The following INPP5D variants were observed in gnomAD, a reference collection of about 807,000 sequenced individuals.
INPP5D encodes phosphatidylinositol 3,4,5-trisphosphate 5-phosphatase 1.
Under a neutral mutation model 122.9 loss-of-function variants are expected in INPP5D, and 33 were observed. The ratio of observed to expected loss-of-function variants is 0.27; its 90% CI spans 0.20 to 0.36. The LOEUF (loss-of-function observed/expected upper bound fraction) is 0.36, where lower values mean the gene tolerates loss of function less well. INPP5D is among the 10% of genes least tolerant of loss of function. INPP5D has a pLI of 1.00. For synonymous variants in INPP5D, 584 were observed against 576.2 expected (o/e 1.01, Z -0.19); for missense variants, 1,053 against 1,412.7 (o/e 0.75, Z 4.08).
intron 4 of INPP5D, among the ~76,000 whole-genome samples, chr2:233,127,037 T>C (rs34386357): frequency 0.015 from 2,214 of 152,266 alleles, 24 homozygotes; most frequent in Non-Finnish European, 0.023. Context: ...GGAGGCCCCA[T>C]GGTTCCACCT....
intron 5 of INPP5D, among the ~76,000 whole-genome samples, chr2:233,131,670 A>G (rs1693331426): frequency 6.6e-6 from 1 of 152,246 alleles, no homozygotes. Flanking sequence ...ACTGCACTCC[A>G]GCCTGGGTAA....
chr2:233,104,236 CTT>C (rs1393552833), intron 2 of INPP5D, among the ~76,000 whole-genome samples: 1 of 152,052 alleles, frequency 6.6e-6, no homozygotes, highest in African/African-American at 2.4e-5. Context: ...GTCTTGAACT[CTT>C]AACCTCAAGT....
In INPP5D at chr2:233,170,582, G is replaced by A; in HGVS notation, c.1878G>A (p.Glu626=). ...ACCAGCTGCTCACAGAGAGGAGGGA[G>A]CAGAAGGTCTTCCTACACTTCGGTA... is the stretch of plus-strand genomic sequence containing the variant. ...SHDQLLTERR[E]QKVFLHFEEE... is the part of the protein sequence containing the mutation. The change falls in exon 16 of 27, where the codon GAG becomes GAA. Residue 626 remains glutamate, a synonymous_variant. Coordinates refer to ENST00000445964, the MANE Select transcript of INPP5D (RefSeq NM_001017915.3). This position sits in a 1 kb window ranked among gnomAD's most constrained non-coding sequence, Gnocchi z 4.5. 1.2e-6 allele frequency: 2 copies of A among 1,613,496 alleles called. No individual in the cohort carries two copies. The highest frequency in any genetic ancestry group is 1.7e-6 in the Non-Finnish European group (2 of 1,179,702).
chr2:233,129,242 C>T (rs1693251220), intron 4 of INPP5D, among the ~76,000 whole-genome samples: 1 of 152,126 alleles, frequency 6.6e-6, no homozygotes, highest in South Asian at 2.1e-4. Context: ...ATGGTTAAGC[C>T]TCAGTTCTCT....
In INPP5D at chr2:233,105,572, T is replaced by C. The variant is rs560212672; in HGVS notation, c.199-16535T>C. 6.6e-6 allele frequency among the ~76,000 whole-genome samples: 1 copy of C among 152,158 alleles called. No individual in the cohort carries two copies. Among genetic ancestry groups the C allele is most frequent in the Non-Finnish European group, 1.5e-5 (1 of 68,000 alleles). On this transcript the variant is annotated intron_variant, in intron 2 of 26. Coordinates refer to ENST00000445964, the MANE Select transcript of INPP5D (RefSeq NM_001017915.3). The surrounding 1 kb of genome is among the most constrained non-coding windows in gnomAD (Gnocchi z 4.0). ...TGCTGGACTGTGGGCAGGGCCTGGG[T>C]CTGTGTTGGTCCCTGATGCCGGGGG...
At chr2:233,142,191 C>T (rs945031166) in intron 6 of INPP5D, among the ~76,000 whole-genome samples, 2 of 152,246 alleles carry the variant, frequency 1.3e-5, no homozygotes, top group East Asian at 1.9e-4. Flanking sequence ...AGCAGCCACC[C>T]AGTGGAGGGT....
intron 2 of INPP5D, among the ~76,000 whole-genome samples, chr2:233,116,282 G>GATATAA (rs1205502325): frequency 1.9e-5 from 2 of 103,268 alleles, no homozygotes; most frequent in Non-Finnish European, 4.8e-5. Context: ...TATAGATATA[G>GATATAA]ATATATAGAT....
At chr2:233,080,063 G>A (rs1691632167) in intron 2 of INPP5D, among the ~76,000 whole-genome samples, 1 of 152,108 alleles carries the variant, frequency 6.6e-6, no homozygotes, top group Admixed American at 6.5e-5. Context: ...CCTAGTAGCT[G>A]GGATTATAGG....
intron 1 of INPP5D, among the ~76,000 whole-genome samples, chr2:233,061,269 C>T (rs988265744): frequency 5.0e-5 from 7 of 139,484 alleles, no homozygotes; most frequent in Admixed American, 4.6e-4. Context: ...ACTCCTCCCA[C>T]TGCCCGGTTG....
At chr2:233,120,973 T>C (rs972304569) in intron 2 of INPP5D, among the ~76,000 whole-genome samples, 2 of 152,078 alleles carry the variant, frequency 1.3e-5, no homozygotes, top group Non-Finnish European at 2.9e-5. Context: ...TGTGTTTTTT[T>C]TAAAAAAAGT....
In INPP5D at chr2:233,198,348, G is replaced by A. The variant is rs1402943853; in HGVS notation, c.2947G>A (p.Gly983Ser). 6.2e-7 allele frequency: 1 copy of A among 1,613,268 alleles called. No individual in the cohort carries two copies. The highest frequency in any genetic ancestry group is 1.3e-5 in the African/African-American group (1 of 74,918). ...GTTTTTACCCTCAACAGCAAACCGG[G>A]GTCTCCCTCCCAGGACACAGGAGTC... ...KKFLPSTANR[G>S]LPPRTQESRP... The change falls in exon 25 of 27, where the codon GGT (glycine) becomes AGT (serine). Residue 983 changes from glycine (G) to serine (S), a missense_variant. Gly to Ser is a moderately conservative substitution (Grantham distance 56). This residue lies in a region of INPP5D where 417 missense variants were observed against 425.8 expected (regional missense o/e 0.98). Coordinates refer to ENST00000445964, the MANE Select transcript of INPP5D (RefSeq NM_001017915.3).
Position 233,204,607 on chromosome 2 carries a change from C to T in INPP5D, c.3457C>T (p.Leu1153Phe), listed in dbSNP as rs752956265. 1.4e-5 allele frequency: 22 copies of T among 1,574,538 alleles called. No homozygotes were observed. In the South Asian group the frequency reaches 2.1e-4, roughly 15 times the overall value. The part of the protein sequence containing the change: ...LPVKSPAVLH[L>F]QHSKGRDYRD... ...AGTCAAGAGCCCGGCGGTGCTGCAC[C>T]TCCAGCACTCCAAGGGCCGCGACTA... The change falls in exon 26 of 27, where the codon CTC becomes TTC. Residue 1153 changes from leucine to phenylalanine, a missense_variant. Leu to Phe is a conservative substitution (Grantham distance 22). Coordinates refer to ENST00000445964, the MANE Select transcript of INPP5D (RefSeq NM_001017915.3).
rs999911216 is a variant in INPP5D, at chr2:233,188,140, C to T, written c.2359-1710C>T. On this transcript the variant is annotated intron_variant, in intron 21 of 26. Transcript: ENST00000445964. The surrounding 1 kb of genome is among the most constrained non-coding windows in gnomAD (Gnocchi z 4.7). ...ATGCCTCTCTGATCCTGGAGTCCCCCTCTTTATCCGGTCGACTCCCTGTTG... is the reference window on the plus strand; with the variant it reads ...ATGCCTCTCTGATCCTGGAGTCCCCTTCTTTATCCGGTCGACTCCCTGTTG... Among the ~76,000 whole-genome samples, 1 of 152,028 alleles carries T rather than the reference C, an allele frequency of 6.6e-6. No homozygotes were observed. The highest frequency in any genetic ancestry group is 1.5e-5 in the Non-Finnish European group (1 of 67,994).
chr2:233,133,978 G>A (rs565467444), intron 5 of INPP5D: 72 of 456,394 alleles, frequency 1.6e-4, no homozygotes, highest in Middle Eastern at 6.5e-4. Flanking sequence ...GGCTGGGGGC[G>A]TGCAGATGCT....
At chr2:233,061,759 A>G (rs2106373801) in intron 1 of INPP5D, among the ~76,000 whole-genome samples, 1 of 152,320 alleles carries the variant, frequency 6.6e-6, no homozygotes, top group Non-Finnish European at 1.5e-5. Flanking sequence ...GAGTGACAAC[A>G]GTCAAAGCCA....
intron 2 of INPP5D, among the ~76,000 whole-genome samples, chr2:233,118,770 G>A (rs1692878306): frequency 6.6e-6 from 1 of 152,224 alleles, no homozygotes. Flanking sequence ...GAGGGGGAGA[G>A]GTGGAGGAAG....
chr2:233,198,843 A>G (rs1177406313), intron 25 of INPP5D, among the ~76,000 whole-genome samples: 4 of 152,028 alleles, frequency 2.6e-5, no homozygotes, highest in Non-Finnish European at 5.9e-5. Context: ...CCAGCTACTC[A>G]GGAGGCTGAG....
intron 2 of INPP5D, among the ~76,000 whole-genome samples, chr2:233,113,766 C>T (rs1692700710): frequency 6.6e-6 from 1 of 152,238 alleles, no homozygotes; most frequent in Admixed American, 6.5e-5. Flanking sequence ...GCTGCTGCAT[C>T]TCCCTAATTC....
intron 17 of INPP5D, among the ~76,000 whole-genome samples, chr2:233,173,880 C>T (rs186146703): frequency 1.3e-3 from 201 of 152,292 alleles, no homozygotes; most frequent in African/African-American, 4.6e-3. Flanking sequence ...TTGCAGCGAA[C>T]CGAGATGGCG....
Sources: allele counts gnomAD v4.1 joint callset (sites outside exome capture counted in the v4.1 genomes callset), GRCh38; gene constraint gnomAD v4.1.1; regional missense constraint gnomAD v4.1.1; non-coding constraint Gnocchi (gnomAD v3.1); transcripts MANE v1.5; gene names NCBI Gene and HGNC (gene_info 2026-07-23, HGNC 2026-07-21).